The following FOXP2 variants were observed in gnomAD, a reference collection of about 807,000 sequenced individuals.
The protein encoded by FOXP2 is forkhead box P2.
FOXP2 carries 12 observed loss-of-function variants against 115.8 expected under a neutral mutation model. The observed-to-expected ratio is 0.10, with a 90% confidence interval of 0.07 to 0.17. The LOEUF is 0.17. Among genes scored for constraint, FOXP2 ranks in the 10% least tolerant of loss-of-function variants. FOXP2 has a pLI of 1.00. For missense variants in FOXP2, 629 were observed against 843.5 expected, an observed-to-expected ratio of 0.75 and a Z score of 3.15; for synonymous variants, 328 against 297.7, an observed-to-expected ratio of 1.10 and a Z score of -1.05.
chr7:114,526,249 C>T (rs887402851), intron 2 of FOXP2, among the ~76,000 whole-genome samples: 5 of 141,098 alleles, frequency 3.5e-5, no homozygotes, highest in East Asian at 2.1e-4. Context: ...GAGGCCAAGA[C>T]GGATGGATCA....
chr7:114,186,257 C>T (rs777150876), intron 1 of FOXP2, among the ~76,000 whole-genome samples: 1 of 152,158 alleles, frequency 6.6e-6, no homozygotes, highest in Non-Finnish European at 1.5e-5. Context: ...TTTGTTCCAG[C>T]ATCAACTCAA....
chr7:114,153,799 A>G (rs1792586678), intron 1 of FOXP2, among the ~76,000 whole-genome samples: 1 of 152,114 alleles, frequency 6.6e-6, no homozygotes, highest in Non-Finnish European at 1.5e-5. Flanking sequence ...CTTCTCTGAT[A>G]TGGAAGTTCA....
intron 1 of FOXP2, among the ~76,000 whole-genome samples, chr7:114,287,111 G>C (rs1398826700): frequency 6.6e-6 from 1 of 151,912 alleles, no homozygotes; most frequent in African/African-American, 2.4e-5. Flanking sequence ...ATCAATCAGA[G>C]TGTTATGTGA....
chr7:114,582,346 T>A (rs1242173325), intron 3 of FOXP2, among the ~76,000 whole-genome samples: 1 of 152,202 alleles, frequency 6.6e-6, no homozygotes, highest in Non-Finnish European at 1.5e-5. Context: ...TCCCGCAGTG[T>A]CACAACACCT....
intron 3 of FOXP2, among the ~76,000 whole-genome samples, chr7:114,543,077 G>A (rs533699149): frequency 1.3e-5 from 2 of 151,858 alleles, no homozygotes; most frequent in East Asian, 1.9e-4. Context: ...CACCATACCC[G>A]GCCTGTTCTT....
intron 7 of FOXP2, 105 bp downstream of exon 7, chr7:114,642,728 T>A: frequency 1.3e-6 from 1 of 795,198 alleles, no homozygotes; most frequent in Non-Finnish European, 2.1e-6. Flanking sequence ...GGACAAAATG[T>A]ATAGAACAAC....
chr7:114,668,257 G>A (rs770557677), intron 16 of FOXP2: 2 of 152,032 alleles, frequency 1.3e-5, no homozygotes, highest in Admixed American at 6.6e-5. Context: ...GATGTTTTTT[G>A]AAGCATTAGA....
intron 2 of FOXP2, among the ~76,000 whole-genome samples, chr7:114,515,344 A>G (rs1232587811): frequency 6.6e-6 from 1 of 151,476 alleles, no homozygotes; most frequent in African/African-American, 2.4e-5. Context: ...ACAGTGTAAC[A>G]GTGTTCCTAT....
intron 2 of FOXP2, 136 bp from the exon 3 acceptor site, chr7:114,534,481 G>A (rs1799283513): frequency 1.3e-6 from 1 of 772,690 alleles, no homozygotes; most frequent in East Asian, 2.5e-5. Flanking sequence ...CATATTAGAA[G>A]ATAAACAACA....
chr7:114,171,135 C>G (rs1244438828), intron 1 of FOXP2, among the ~76,000 whole-genome samples: 1 of 152,190 alleles, frequency 6.6e-6, no homozygotes, highest in Non-Finnish European at 1.5e-5. Context: ...AATGCTAAAT[C>G]TACTCTGTCT....
At position 114,418,726 on chromosome 7, in the gene FOXP2, G is replaced by C. The variant is rs547186065; in HGVS notation, c.-11+3366G>C. ...CAATGGCTTTTTTTTATGAGAACCTGTCGATCGCAAAGGATTCAGGCGTAT... is the reference window on the plus strand; with the variant it reads ...CAATGGCTTTTTTTTATGAGAACCTCTCGATCGCAAAGGATTCAGGCGTAT... On this transcript the variant is annotated intron_variant, in intron 1 of 16. Coordinates refer to ENST00000350908, the MANE Select transcript of FOXP2 (RefSeq NM_014491.4). Among the ~76,000 whole-genome samples, 4 of 151,480 alleles carry C rather than the reference G, an allele frequency of 2.6e-5. No individual in the cohort carries two copies. In the East Asian group the frequency reaches 7.8e-4, roughly 29 times the overall value.
At chr7:114,421,867 A>G (rs1204200332) in intron 1 of FOXP2, among the ~76,000 whole-genome samples, 2 of 151,728 alleles carry the variant, frequency 1.3e-5, no homozygotes, top group African/African-American at 2.4e-5. Flanking sequence ...ATGATGAATT[A>G]ATTCCACTAG....
intron 2 of FOXP2, among the ~76,000 whole-genome samples, chr7:114,372,413 G>T (rs563156581): frequency 6.6e-6 from 1 of 152,084 alleles, no homozygotes; most frequent in Non-Finnish European, 1.5e-5. Flanking sequence ...TAATAATTAG[G>T]CTAGGACAAC....
chr7:114,571,442 A>G (rs973492308), intron 3 of FOXP2, among the ~76,000 whole-genome samples: 1 of 151,866 alleles, frequency 6.6e-6, no homozygotes, highest in Admixed American at 6.6e-5. Context: ...GAATTTTTAA[A>G]TAAAGCAACT....
intron 2 of FOXP2, among the ~76,000 whole-genome samples, chr7:114,512,138 A>G (rs2129262353): frequency 6.6e-6 from 1 of 152,252 alleles, no homozygotes; most frequent in South Asian, 2.1e-4. Context: ...GTGAAAAGTC[A>G]TGTTCTAGCG....
intron 3 of FOXP2, among the ~76,000 whole-genome samples, chr7:114,535,232 C>G (rs544678251): frequency 6.6e-6 from 1 of 151,560 alleles, no homozygotes; most frequent in South Asian, 2.1e-4. Flanking sequence ...CTATGTTTGT[C>G]CTGTGAAACT....
chr7:114,594,818 A>C (rs1342883717), intron 3 of FOXP2, among the ~76,000 whole-genome samples: 2 of 152,058 alleles, frequency 1.3e-5, no homozygotes, highest in African/African-American at 4.8e-5. Context: ...TAGTTTTTAA[A>C]TGCCAGGAGA....
chr7:114,675,275 C>T (rs1245552834), intron 16 of FOXP2, among the ~76,000 whole-genome samples: 1 of 151,478 alleles, frequency 6.6e-6, no homozygotes, highest in Non-Finnish European at 1.5e-5. Context: ...CCTAAATGAG[C>T]GTCAGTTATT....
chr7:114,530,396 T>C (rs1265610745), intron 2 of FOXP2, among the ~76,000 whole-genome samples: 1 of 151,886 alleles, frequency 6.6e-6, no homozygotes, highest in African/African-American at 2.4e-5. Flanking sequence ...ATTGAAGATA[T>C]TAATGGGCGT....
Sources: gnomAD v4.1 joint callset for allele counts (sites outside exome capture counted in the v4.1 genomes callset) on GRCh38, gnomAD v4.1.1 for gene constraint, MANE v1.5 for transcripts, NCBI Gene and HGNC (gene_info 2026-07-23, HGNC 2026-07-21) for gene names.